The following VWA2 variants were observed in gnomAD, a reference collection of about 807,000 sequenced individuals.
VWA2 encodes the protein von Willebrand factor A domain containing 2, also known as von Willebrand factor A domain-containing protein 2.
VWA2 carries 73 observed loss-of-function variants against 70.4 expected under a neutral mutation model. That is an observed-to-expected ratio of 1.04 (90% confidence interval 0.86 to 1.26). The LOEUF (loss-of-function observed/expected upper bound fraction) is 1.26, where lower values mean the gene tolerates loss of function less well. Among genes scored for constraint, VWA2 ranks in the 50% most tolerant of loss-of-function variants. The pLI is 0.00. For synonymous variants in VWA2, 407 were observed against 423.3 expected, an observed-to-expected ratio of 0.96 and a Z score of 0.47; for missense variants, 1,011 against 998.5, an observed-to-expected ratio of 1.01 and a Z score of -0.17.
intron 10 of VWA2, 87 bp from the exon 11 acceptor site, chr10:114,285,852 C>T: frequency 1.5e-6 from 2 of 1,348,310 alleles, no homozygotes; most frequent in Middle Eastern, 2.6e-4. Context: ...CCATCTCCCT[C>T]CTGGGAGATG....
intron 6 of VWA2, among the ~76,000 whole-genome samples, chr10:114,277,150 A>G (rs1269626690): frequency 7.1e-6 from 1 of 141,456 alleles, no homozygotes; most frequent in African/African-American, 2.7e-5. Context: ...TCTTCTAGAT[A>G]CATTACTGAC....
At chr10:114,284,090 G>T (rs151338858) in intron 9 of VWA2, among the ~76,000 whole-genome samples, 1 of 152,180 alleles carries the variant, frequency 6.6e-6, no homozygotes, top group East Asian at 1.9e-4. Context: ...AATTGATAAG[G>T]AAAGCAATGA....
intron 6 of VWA2, among the ~76,000 whole-genome samples, chr10:114,277,198 T>TTTTC (rs1564727796): frequency 1.4e-5 from 2 of 143,476 alleles, no homozygotes. Context: ...TTTTTTTTTT[T>TTTTC]CTGGAGACAG....
chr10:114,260,506 C>T (rs1012540051), intron 4 of VWA2, among the ~76,000 whole-genome samples: 8 of 152,106 alleles, frequency 5.3e-5, no homozygotes, highest in African/African-American at 9.7e-5. Context: ...AATGAAGGAC[C>T]GGGTTGTGGG....
At chr10:114,283,788 C>G (rs1437445690) in intron 9 of VWA2, among the ~76,000 whole-genome samples, 1 of 152,228 alleles carries the variant, frequency 6.6e-6, no homozygotes, top group African/African-American at 2.4e-5. Flanking sequence ...TCTCAGTGAG[C>G]CCCCAGCTAT....
rs542510228 is a variant in VWA2, at chr10:114,292,423, T to A, written c.*1186T>A. Among the ~76,000 whole-genome samples the A allele has an allele frequency of 3.3e-5, 5 of 152,210 alleles. No individual in the cohort carries two copies. The South Asian group carries it at 1.0e-3, about 32-fold the overall frequency. ...AGAAACTTACAGAGATTTTGCTTTT[T>A]AAAGCATTGATCTTACGCTGTCTAG... is the stretch of plus-strand genomic sequence containing the variant. On this transcript the variant is annotated 3_prime_UTR_variant, in exon 14 of 14. Coordinates refer to ENST00000392982, the MANE Select transcript of VWA2 (RefSeq NM_001272046.2).
intron 5 of VWA2, among the ~76,000 whole-genome samples, chr10:114,262,994 G>C (rs649785): frequency 0.57 from 86,085 of 151,964 alleles, 26,484 homozygotes; most frequent in African/African-American, 0.82. Context: ...TGGAATCACT[G>C]TCTGCTCTTG....
intron 9 of VWA2, among the ~76,000 whole-genome samples, chr10:114,282,778 A>G (rs986290589): frequency 6.6e-6 from 1 of 152,170 alleles, no homozygotes; most frequent in South Asian, 2.1e-4. Context: ...CGGCTTTGGG[A>G]TTACTCCCCT....
At chr10:114,243,482 C>A (rs1055160611) in intron 1 of VWA2, among the ~76,000 whole-genome samples, 3 of 152,182 alleles carry the variant, frequency 2.0e-5, no homozygotes, top group African/African-American at 7.2e-5. Flanking sequence ...GCAAGGACTT[C>A]CCCACCGGAT....
chr10:114,290,311 G>A lies in VWA2; in HGVS notation c.2194G>A (p.Gly732Arg). Residue 732 changes from glycine to arginine, a missense_variant, in exon 13 of 14, where the codon GGG becomes AGG. Coordinates refer to ENST00000392982, the MANE Select transcript of VWA2 (RefSeq NM_001272046.2). ...MNEGSCVLQN[G>R]SYRCKCRDGW... Reference sequence around the variant, plus strand: ...TGAGGGCAGCTGCGTCCTGCAGAATGGGAGCTACCGCTGCAAGTGTCGGGA... The same window carrying A: ...TGAGGGCAGCTGCGTCCTGCAGAATAGGAGCTACCGCTGCAAGTGTCGGGA... 5 of 1,550,614 alleles carry A rather than the reference G, an allele frequency of 3.2e-6. No individual in the cohort carries two copies. Among genetic ancestry groups the A allele is most frequent in the Non-Finnish European group, 4.4e-6 (5 of 1,146,988 alleles).
At chr10:114,254,830 C>A in intron 3 of VWA2, 85 bp from the exon 4 acceptor site, 1 of 1,559,888 alleles carries the variant, frequency 6.4e-7, no homozygotes, top group South Asian at 1.2e-5. Context: ...CCTGGCCCAC[C>A]ACAAGGCTGT....
At chr10:114,254,244 G>A (rs2037271252) in intron 3 of VWA2, among the ~76,000 whole-genome samples, 1 of 151,792 alleles carries the variant, frequency 6.6e-6, no homozygotes, top group African/African-American at 2.4e-5. Context: ...GCTAGTTTTT[G>A]TGTTTTTAGT....
rs373000451 is a variant in VWA2 at position 114,278,792 on chromosome 10, A to T, written c.774A>T (p.Pro258=). ...EMVREFAGNA[P]CWRGSRRTLA... ...TCCGGGAGTTCGCTGGCAATGCCCC[A>T]TGCTGGAGAGGATCGCGGCGGACCC... is the stretch of plus-strand genomic sequence containing the variant. Residue 258 remains proline (P), a synonymous_variant, in exon 8 of 14, where the codon CCA becomes CCT. Transcript: ENST00000392982. 1 of 1,613,654 alleles carries T rather than the reference A, an allele frequency of 6.2e-7. No homozygotes were observed. Among genetic ancestry groups the T allele is most frequent in the Non-Finnish European group, 8.5e-7 (1 of 1,180,036 alleles).
At chr10:114,252,943 C>T (rs1031896890) in intron 2 of VWA2, among the ~76,000 whole-genome samples, 14 of 151,788 alleles carry the variant, frequency 9.2e-5, no homozygotes, top group Non-Finnish European at 1.6e-4. Context: ...CCTGGCCGCT[C>T]CTGGGCTCTG....
At chr10:114,278,932 G>A (rs1172802612) in intron 8 of VWA2, 81 bp downstream of exon 8, 3 of 1,579,430 alleles carry the variant, frequency 1.9e-6, no homozygotes, top group Admixed American at 1.7e-5. Flanking sequence ...AGTACTTTGG[G>A]GCCCTGCCAT....
At chr10:114,275,072 G>A (rs1475965755) in intron 6 of VWA2, among the ~76,000 whole-genome samples, 1 of 152,246 alleles carries the variant, frequency 6.6e-6, no homozygotes, top group East Asian at 1.9e-4. Flanking sequence ...GACAGGCATG[G>A]AGATTGAAAT....
intron 4 of VWA2, among the ~76,000 whole-genome samples, chr10:114,255,283 T>G (rs148444526): frequency 4.0e-4 from 61 of 152,050 alleles, no homozygotes; most frequent in African/African-American, 1.4e-3. Flanking sequence ...GACTTCCTTC[T>G]CAGGCAGGTT....
At chr10:114,243,546 G>A (rs2037010593) in intron 1 of VWA2, among the ~76,000 whole-genome samples, 1 of 152,178 alleles carries the variant, frequency 6.6e-6, no homozygotes, top group African/African-American at 2.4e-5. Flanking sequence ...TTCTGGTAAA[G>A]GGCTCAGATT....
At chr10:114,289,724 C>G in intron 12 of VWA2, 1 of 573,964 alleles carries the variant, frequency 1.7e-6, no homozygotes, top group Non-Finnish European at 3.1e-6. Flanking sequence ...TCCCCCCAAA[C>G]TTGAGAATTT....
Sources: allele counts gnomAD v4.1 joint callset (sites outside exome capture counted in the v4.1 genomes callset), GRCh38; gene constraint gnomAD v4.1.1; transcripts MANE v1.5; gene names NCBI Gene and HGNC (gene_info 2026-07-23, HGNC 2026-07-21).